Variants in COG3 observed in about 807,000 individuals in gnomAD.
COG3 encodes component of oligomeric golgi complex 3.
Under a neutral mutation model 114.1 loss-of-function variants are expected in COG3, and 32 were observed. That is an observed-to-expected ratio of 0.28 (90% CI 0.21 to 0.38). COG3 has a LOEUF of 0.38. COG3 is among the 10% of genes least tolerant of loss of function. COG3 has a pLI of 1.00. For synonymous variants in COG3, 352 were observed against 365.7 expected (o/e 0.96, Z 0.43); for missense variants, 813 against 973.2 (o/e 0.84, Z 2.19).
intron 16 of COG3, among the ~76,000 whole-genome samples, chr13:45,512,642 T>C (rs1171376524): frequency 1.3e-5 from 2 of 151,852 alleles, no homozygotes; most frequent in African/African-American, 4.8e-5. Context: ...CTTTTTTTTT[T>C]TCTGAGAGAG....
Position 45,534,916 on chromosome 13 carries a change from C to T in COG3, c.*185C>T. On this transcript the variant is annotated 3_prime_UTR_variant, in exon 23 of 23. Transcript: ENST00000349995. ...TGTTACAGGATCAGTGTTTTCTTTT[C>T]TAAAACATCAAAATGCCAAAGATTA... 8.0e-7 allele frequency: 1 copy of T among 1,252,296 alleles called. No homozygotes were observed. The highest frequency in any genetic ancestry group is 1.0e-6 in the Non-Finnish European group (1 of 1,000,034). The allele number at this position is 1,252,296 out of a possible 1,614,324, so 77.6% of individuals were successfully genotyped here.
intron 17 of COG3, among the ~76,000 whole-genome samples, chr13:45,518,044 TAG>T (rs1490639673): frequency 6.6e-6 from 1 of 152,170 alleles, no homozygotes; most frequent in Non-Finnish European, 1.5e-5. Flanking sequence ...ACTGAACTGA[TAG>T]AGAGAGGGTC....
chr13:45,535,766 C>T lies in COG3; in HGVS notation c.*1035C>T. ...AAACACTATCCACATCTGAAAACTA[C>T]CACACCATATCAGGGATCATAAATT... On this transcript the variant is annotated 3_prime_UTR_variant, in exon 23 of 23. Transcript: ENST00000349995. 1 of 987,514 alleles carries T rather than the reference C, an allele frequency of 1.0e-6. No individual in the cohort carries two copies. The highest frequency in any genetic ancestry group is 1.2e-6 in the Non-Finnish European group (1 of 830,062). The allele number at this position is 987,514 out of a possible 1,614,324, so 61.2% of individuals were successfully genotyped here. A position where few individuals can be genotyped will look rare whatever the true frequency, so the allele number is the denominator to read the frequency against.
intron 15 of COG3, 56 bp from the exon 16 acceptor site, chr13:45,511,709 C>CTT: frequency 2.3e-6 from 3 of 1,287,284 alleles, no homozygotes; most frequent in Non-Finnish European, 2.2e-6. Context: ...TAGGATATTC[C>CTT]TTTTTTTTTG....
At chr13:45,467,380 T>A (rs1050302734) in intron 1 of COG3, among the ~76,000 whole-genome samples, 2 of 152,144 alleles carry the variant, frequency 1.3e-5, no homozygotes, top group Non-Finnish European at 2.9e-5. Context: ...TCACTTGAGG[T>A]CAGGAGTTCA....
chr13:45,490,986 C>T lies in COG3; in HGVS notation c.968+28C>T, dbSNP rs1355637600. The T allele has an allele frequency of 5.4e-6, 8 of 1,468,684 alleles. No individual in the cohort carries two copies. The East Asian group carries it at 1.6e-4, about 29-fold the overall frequency. 91.0% of individuals were successfully genotyped at this position (1,468,684 alleles called of 1,614,324 possible). On this transcript the variant is annotated intron_variant, in intron 9 of 22. Coordinates refer to ENST00000349995, the MANE Select transcript of COG3 (RefSeq NM_031431.4). ...GAGTACCTAGAAGTTAATCTGATTT[C>T]CACATGAACCTTTGTCTTGTAGTAC...
At chr13:45,470,193 G>A (rs930138373) in intron 1 of COG3, among the ~76,000 whole-genome samples, 3 of 152,140 alleles carry the variant, frequency 2.0e-5, no homozygotes, top group Non-Finnish European at 4.4e-5. Context: ...TGTTATTTGG[G>A]TTTAAGGTAT....
At chr13:45,496,131 A>G in intron 12 of COG3, 21 bp from the exon 13 acceptor site, 1 of 1,594,666 alleles carries the variant, frequency 6.3e-7, no homozygotes, top group Non-Finnish European at 8.6e-7. Flanking sequence ...AAAAGAATGG[A>G]TGATTGCACT....
rs1873544320 is a variant in COG3, at chr13:45,536,310, C to T, written c.*1579C>T. 2 of 152,120 alleles carry T rather than the reference C, an allele frequency of 1.3e-5. No individual in the cohort carries two copies. The highest frequency in any genetic ancestry group is 2.9e-5 in the Non-Finnish European group (2 of 68,038). 9.4% of individuals were successfully genotyped at this position (152,120 alleles called of 1,614,324 possible). A position where few individuals can be genotyped will look rare whatever the true frequency, so the allele number is the denominator to read the frequency against. On this transcript the variant is annotated 3_prime_UTR_variant, in exon 23 of 23. Coordinates refer to ENST00000349995, the MANE Select transcript of COG3 (RefSeq NM_031431.4). Reference sequence around the variant, plus strand: ...AAGAAATGAGGGCATGATTATTGTACAGTAAGTACGTGACTGATTTAATTT... The same window carrying T: ...AAGAAATGAGGGCATGATTATTGTATAGTAAGTACGTGACTGATTTAATTT...
intron 2 of COG3, among the ~76,000 whole-genome samples, chr13:45,478,484 T>G (rs887833103): frequency 3.3e-5 from 5 of 150,686 alleles, no homozygotes; most frequent in Non-Finnish European, 7.4e-5. Flanking sequence ...CAGCCTTTTT[T>G]TTTTTTGAGA....
chr13:45,478,128 T>G (rs1886002341), intron 2 of COG3, among the ~76,000 whole-genome samples: 1 of 152,218 alleles, frequency 6.6e-6, no homozygotes, highest in Non-Finnish European at 1.5e-5. Flanking sequence ...ATACTCTTCC[T>G]TAATTTGACT....
In COG3 at chr13:45,483,251, A is replaced by T. The variant is rs764047274; in HGVS notation, c.739A>T (p.Ile247Leu). 2 of 1,582,852 alleles carry T rather than the reference A, an allele frequency of 1.3e-6. No individual in the cohort carries two copies. Among genetic ancestry groups the T allele is most frequent in the Non-Finnish European group, 1.7e-6 (2 of 1,152,746 alleles). ...SSHPNFKDYP[I>L]YLLKFKQCLS... ...ACAGCCTAATTTTAAAGATTATCCC[A>T]TATATTTGCTGAAGTTTAAACAGTG... Residue 247 changes from isoleucine (I) to leucine (L), a missense_variant, in exon 7 of 23, where the codon ATA becomes TTA. Physicochemically the swap from Ile to Leu is conservative, Grantham distance 5. Coordinates refer to ENST00000349995, the MANE Select transcript of COG3 (RefSeq NM_031431.4).
At chr13:45,527,989 A>G (rs1448501323) in intron 20 of COG3, among the ~76,000 whole-genome samples, 1 of 152,176 alleles carries the variant, frequency 6.6e-6, no homozygotes, top group Non-Finnish European at 1.5e-5. Context: ...GAGGTTAGGT[A>G]TTCCTAGCCT....
intron 19 of COG3, among the ~76,000 whole-genome samples, chr13:45,519,747 C>T (rs1295255379): frequency 1.3e-5 from 2 of 152,058 alleles, no homozygotes; most frequent in South Asian, 2.1e-4. Context: ...ACATGCTGTG[C>T]GTCATTTCAC....
intron 13 of COG3, among the ~76,000 whole-genome samples, chr13:45,497,126 G>A (rs2137842776): frequency 6.6e-6 from 1 of 152,308 alleles, no homozygotes. Flanking sequence ...GGTTGATGGT[G>A]ATGATGTAAC....
Position 45,474,151 on chromosome 13 carries a change from C to CTTTTTTTTT in COG3, c.175-2034_175-2026dup, listed in dbSNP as rs10558884. Among the ~76,000 whole-genome samples, 41 of 81,978 alleles carry CTTTTTTTTT rather than the reference C, an allele frequency of 5.0e-4. 1 individual carries two copies. Among genetic ancestry groups the CTTTTTTTTT allele is most frequent in the African/African-American group, 1.5e-3 (30 of 20,196 alleles). 53.8% of individuals were successfully genotyped at this position (81,978 alleles called of 152,430 possible). ...CCACATCTTTGTTTTCTTTTTTACT[C>CTTTTTTTTT]TTTTTTTTTTTTTTTTTTTTTTTTG... On this transcript the variant is annotated intron_variant, in intron 1 of 22. Transcript: ENST00000349995.
chr13:45,486,900 A>G (rs1886703267), intron 8 of COG3, among the ~76,000 whole-genome samples: 1 of 152,190 alleles, frequency 6.6e-6, no homozygotes, highest in Non-Finnish European at 1.5e-5. Flanking sequence ...CATATAGGGA[A>G]GTTTGTAGGA....
intron 18 of COG3, 33 bp downstream of exon 18, chr13:45,518,883 G>A (rs369186522): frequency 1.2e-6 from 2 of 1,609,996 alleles, no homozygotes; most frequent in Non-Finnish European, 1.7e-6. Flanking sequence ...GGTGGTGGGA[G>A]ATAAACGACA....
At chr13:45,504,732 G>A (rs929446088) in intron 14 of COG3, among the ~76,000 whole-genome samples, 4 of 152,152 alleles carry the variant, frequency 2.6e-5, no homozygotes, top group Non-Finnish European at 5.9e-5. Context: ...GAGAGGGTCT[G>A]TATTATATGG....
Sources: gnomAD v4.1 joint callset for allele counts (sites outside exome capture counted in the v4.1 genomes callset) on GRCh38, gnomAD v4.1.1 for gene constraint, MANE v1.5 for transcripts, NCBI Gene and HGNC (gene_info 2026-07-23, HGNC 2026-07-21) for gene names.